EYA4: variants seen among roughly 807,000 people sequenced by gnomAD.
EYA4 encodes protein phosphatase EYA4.
EYA4 carries 31 observed loss-of-function variants against 87.9 expected under a neutral mutation model. The observed-to-expected ratio is 0.35, with a 90% confidence interval of 0.27 to 0.48. The LOEUF is 0.48. Ranked by LOEUF, EYA4 falls within the 20% of genes least tolerant of loss-of-function variation. The pLI is 0.99. For synonymous variants in EYA4, 263 were observed against 270.6 expected (o/e 0.97, Z 0.28); for missense variants, 678 against 761.4 (o/e 0.89, Z 1.29).
At chr6:133,384,245 T>A (rs1786505633) in intron 3 of EYA4, among the ~76,000 whole-genome samples, 1 of 152,144 alleles carries the variant, frequency 6.6e-6, no homozygotes, top group Admixed American at 6.5e-5. Context: ...TGGAATTAGG[T>A]CATTCTTTTT....
chr6:133,405,967 T>G (rs1023361992), intron 3 of EYA4, among the ~76,000 whole-genome samples: 1 of 152,140 alleles, frequency 6.6e-6, no homozygotes, highest in African/African-American at 2.4e-5. Flanking sequence ...TTTTAGGAAC[T>G]GTGTAGTCAA....
chr6:133,379,339 T>C, intron 2 of EYA4, among the ~76,000 whole-genome samples: 1 of 152,240 alleles, frequency 6.6e-6, no homozygotes, highest in East Asian at 1.9e-4. Context: ...ACTTGCCATT[T>C]AATGAAGTCT....
At chr6:133,452,186 T>C (rs1374533038) in intron 5 of EYA4, among the ~76,000 whole-genome samples, 9 of 152,180 alleles carry the variant, frequency 5.9e-5, no homozygotes. Flanking sequence ...TCTAACTCTT[T>C]CTGAAATTCT....
At chr6:133,245,025 C>G (rs549837401) in intron 1 of EYA4, 68 of 152,204 alleles carry the variant, frequency 4.5e-4, no homozygotes, top group African/African-American at 1.5e-3. Context: ...TTTTTCACTA[C>G]TTAGTTAAGT....
chr6:133,258,547 G>A (rs1775535730), intron 1 of EYA4, among the ~76,000 whole-genome samples: 1 of 152,128 alleles, frequency 6.6e-6, no homozygotes, highest in Admixed American at 6.5e-5. Context: ...CCAGTACCCT[G>A]TAACAGAGAC....
intron 2 of EYA4, among the ~76,000 whole-genome samples, chr6:133,315,287 T>A (rs1226966618): frequency 2.0e-5 from 3 of 152,206 alleles, no homozygotes; most frequent in Non-Finnish European, 4.4e-5. Flanking sequence ...ATTTTCCCAG[T>A]GCTTTTGGAA....
chr6:133,385,440 T>TGTGAGA (rs1198712820), intron 3 of EYA4, among the ~76,000 whole-genome samples: 48 of 103,958 alleles, frequency 4.6e-4, no homozygotes, highest in African/African-American at 1.7e-3. Context: ...TGTGTGTGTG[T>TGTGAGA]GAGAGAGAGA....
At chr6:133,242,652 T>C (rs942089315) in intron 1 of EYA4, among the ~76,000 whole-genome samples, 5 of 152,188 alleles carry the variant, frequency 3.3e-5, no homozygotes, top group Admixed American at 1.3e-4. Context: ...GAACTTTCGT[T>C]TGGTAGCACT....
chr6:133,271,002 AC>A (rs1343756356), intron 1 of EYA4, among the ~76,000 whole-genome samples: 2 of 152,176 alleles, frequency 1.3e-5, no homozygotes, highest in African/African-American at 4.8e-5. Context: ...TCCCTCTGGA[AC>A]TAAGACCTCT....
rs542870869 is a variant in EYA4, at chr6:133,516,652, A to G, written c.1616+1217A>G. 7.3e-5 allele frequency among the ~76,000 whole-genome samples: 11 copies of G among 150,862 alleles called. No homozygotes were observed. In the South Asian group the frequency reaches 2.3e-3, roughly 32 times the overall value. On this transcript the variant is annotated intron_variant, in intron 17 of 19. Coordinates refer to ENST00000355286, the MANE Select transcript of EYA4 (RefSeq NM_004100.5). Reference sequence around the variant, plus strand: ...GGCAGGAGAGTTGCTTGAACCTGGGAGGCGGAGGTTACACTGAGCTGAGAT... The same window carrying G: ...GGCAGGAGAGTTGCTTGAACCTGGGGGGCGGAGGTTACACTGAGCTGAGAT...
At chr6:133,321,353 C>G (rs1454608157) in intron 2 of EYA4, among the ~76,000 whole-genome samples, 1 of 152,152 alleles carries the variant, frequency 6.6e-6, no homozygotes, top group African/African-American at 2.4e-5. Context: ...TCTTTATGTG[C>G]AGTCCCCTTT....
At chr6:133,415,975 T>C (rs1789679445) in intron 3 of EYA4, among the ~76,000 whole-genome samples, 1 of 152,230 alleles carries the variant, frequency 6.6e-6, no homozygotes, top group Admixed American at 6.5e-5. Context: ...CCTTTGCTAA[T>C]CCCTTAAGGA....
At chr6:133,512,046 T>G (rs1562504629) in intron 14 of EYA4, among the ~76,000 whole-genome samples, 1 of 152,168 alleles carries the variant, frequency 6.6e-6, no homozygotes, top group African/African-American at 2.4e-5. Flanking sequence ...CTTGGAATTT[T>G]GTAGCACATT....
intron 2 of EYA4, among the ~76,000 whole-genome samples, chr6:133,298,212 C>T (rs1381901232): frequency 1.3e-5 from 2 of 152,278 alleles, no homozygotes; most frequent in African/African-American, 4.8e-5. Flanking sequence ...TGCCCTTTTG[C>T]TGTGCTTCAC....
At chr6:133,274,309 A>G (rs1049926667) in intron 1 of EYA4, among the ~76,000 whole-genome samples, 1 of 152,244 alleles carries the variant, frequency 6.6e-6, no homozygotes, top group African/African-American at 2.4e-5. Flanking sequence ...GAAAGTTGTC[A>G]TATTAAAATG....
chr6:133,371,777 A>G (rs1489836830), intron 2 of EYA4, among the ~76,000 whole-genome samples: 1 of 152,150 alleles, frequency 6.6e-6, no homozygotes, highest in Non-Finnish European at 1.5e-5. Flanking sequence ...TTAACAGGTA[A>G]TGCAGCTGTT....
chr6:133,405,034 T>G (rs925036440), intron 3 of EYA4, among the ~76,000 whole-genome samples: 19 of 152,114 alleles, frequency 1.2e-4, no homozygotes, highest in African/African-American at 4.1e-4. Flanking sequence ...TTTTATTTTC[T>G]CACTTAAGAG....
At chr6:133,285,543 CA>C (rs1777987439) in intron 2 of EYA4, among the ~76,000 whole-genome samples, 1 of 152,042 alleles carries the variant, frequency 6.6e-6, no homozygotes, top group Non-Finnish European at 1.5e-5. Context: ...GTTTCCAGAC[CA>C]TTGTAAAGCT....
chr6:133,416,375 T>C (rs1789713903), intron 3 of EYA4, among the ~76,000 whole-genome samples: 2 of 152,236 alleles, frequency 1.3e-5, no homozygotes, highest in South Asian at 4.1e-4. Flanking sequence ...ACCAGGTGAC[T>C]CCAGGAGACT....
Sources: allele counts gnomAD v4.1 joint callset (sites outside exome capture counted in the v4.1 genomes callset), GRCh38; gene constraint gnomAD v4.1.1; transcripts MANE v1.5; gene names NCBI Gene and HGNC (gene_info 2026-07-23, HGNC 2026-07-21).